BCAS3: variants seen among roughly 807,000 people sequenced by gnomAD.
BCAS3 encodes BCAS4/BCAS3 fusion.
In BCAS3, 53 loss-of-function variants were observed where a neutral mutation model predicts 116.1. The ratio of observed to expected loss-of-function variants is 0.46; its 90% CI spans 0.37 to 0.57. The LOEUF (loss-of-function observed/expected upper bound fraction) is 0.57, where lower values mean the gene tolerates loss of function less well. BCAS3 is among the 20% of genes least tolerant of loss of function. BCAS3 has a pLI of 0.00. For synonymous variants in BCAS3, 391 were observed against 408.2 expected (o/e 0.96, Z 0.51); for missense variants, 917 against 1,165.4 (o/e 0.79, Z 3.10).
At chr17:60,760,584 G>T (rs1302031394) in intron 6 of BCAS3, among the ~76,000 whole-genome samples, 1 of 151,512 alleles carries the variant, frequency 6.6e-6, no homozygotes, top group Non-Finnish European at 1.5e-5. Context: ...TCCGCTGTTG[G>T]CTTGATGGGA....
chr17:61,225,157 G>GC (rs1248940025), intron 22 of BCAS3, among the ~76,000 whole-genome samples: 6 of 48,734 alleles, frequency 1.2e-4, no homozygotes, highest in African/African-American at 3.8e-4. Flanking sequence ...GTATCGCTCT[G>GC]CCTTTTTTTT....
At chr17:61,221,811 G>GA (rs2144387242) in intron 22 of BCAS3, among the ~76,000 whole-genome samples, 1 of 152,296 alleles carries the variant, frequency 6.6e-6, no homozygotes, top group Admixed American at 6.5e-5. Flanking sequence ...AGTATGATGT[G>GA]AAAAGCATAA....
intron 7 of BCAS3, among the ~76,000 whole-genome samples, chr17:60,864,249 G>A (rs1255988148): frequency 6.6e-6 from 1 of 152,150 alleles, no homozygotes; most frequent in Non-Finnish European, 1.5e-5. Context: ...GGTGCTGATG[G>A]GAGTGTCACT....
chr17:60,725,992 T>C (rs1364176709), intron 5 of BCAS3, among the ~76,000 whole-genome samples: 1 of 151,934 alleles, frequency 6.6e-6, no homozygotes, highest in Admixed American at 6.6e-5. Flanking sequence ...ACCTCCTGAG[T>C]TCAAGCGATT....
At chr17:60,810,245 A>T (rs2048674888) in intron 7 of BCAS3, 2 of 436,052 alleles carry the variant, frequency 4.6e-6, no homozygotes, top group Admixed American at 5.5e-5. Flanking sequence ...TATGGCACCC[A>T]GCCAGTCAGC....
At chr17:61,320,787 T>A (rs1457309571) in intron 22 of BCAS3, among the ~76,000 whole-genome samples, 1 of 152,210 alleles carries the variant, frequency 6.6e-6, no homozygotes, top group East Asian at 1.9e-4. Context: ...TTAAACCTTT[T>A]CTAATACTTG....
intron 19 of BCAS3, among the ~76,000 whole-genome samples, chr17:61,044,264 G>A (rs1002824910): frequency 4.0e-5 from 6 of 151,418 alleles, no homozygotes; most frequent in East Asian, 1.9e-4. Flanking sequence ...TGGCTAACAC[G>A]GTGAAACACT....
rs2067100228 is a variant in BCAS3, at chr17:61,037,141, T to A, written c.1763-748T>A. 6.6e-6 allele frequency among the ~76,000 whole-genome samples: 1 copy of A among 152,142 alleles called. No homozygotes were observed. Among genetic ancestry groups the A allele is most frequent in the Non-Finnish European group, 1.5e-5 (1 of 68,028 alleles). On this transcript the variant is annotated intron_variant, in intron 17 of 23. Coordinates refer to ENST00000407086, the MANE Select transcript of BCAS3 (RefSeq NM_017679.5). The surrounding 1 kb of genome is among the most constrained non-coding windows in gnomAD (Gnocchi z 4.7). ...AATTTAAGTCTTCTGAGAAAAAAAA[T>A]AGATGAGACATTAGGCTGATTTAGG...
rs145449553 is a variant in BCAS3, at chr17:60,736,963, C to T, written c.322-10235C>T. 3.7e-3 allele frequency among the ~76,000 whole-genome samples: 529 copies of T among 141,144 alleles called. 5 individuals are homozygous for T. Among genetic ancestry groups the T allele is most frequent in the African/African-American group, 0.013 (511 of 37,964 alleles). The allele number at this position is 141,144 out of a possible 152,430, so 92.6% of individuals were successfully genotyped here. On this transcript the variant is annotated intron_variant, in intron 5 of 23. Transcript: ENST00000407086. Reference sequence around the variant, plus strand: ...CTTCCTTCCTTCCTATTTTTGAGACCGAGTCTTGCTCTTTTGCTGAGGCTG... The same window carrying T: ...CTTCCTTCCTTCCTATTTTTGAGACTGAGTCTTGCTCTTTTGCTGAGGCTG...
chr17:60,840,560 C>T (rs2051809993), intron 7 of BCAS3, among the ~76,000 whole-genome samples: 2 of 152,104 alleles, frequency 1.3e-5, no homozygotes, highest in African/African-American at 4.8e-5. Flanking sequence ...TATTTAATTC[C>T]TGTTTTTTGA....
At chr17:60,937,447 T>C (rs1455649338) in intron 13 of BCAS3, among the ~76,000 whole-genome samples, 1 of 152,218 alleles carries the variant, frequency 6.6e-6, no homozygotes, top group African/African-American at 2.4e-5. Flanking sequence ...TGTCTTCATT[T>C]TTATTGAATT....
At position 61,390,150 on chromosome 17, in the gene BCAS3, G is replaced by A. The variant is rs2060063293; in HGVS notation, c.2594-1827G>A. 6.6e-6 allele frequency: 1 copy of A among 152,278 alleles called. No individual in the cohort carries two copies. Among genetic ancestry groups the A allele is most frequent in the African/African-American group, 2.4e-5 (1 of 41,468 alleles). The allele number at this position is 152,278 out of a possible 1,614,324, so 9.4% of individuals were successfully genotyped here. A position where few individuals can be genotyped will look rare whatever the true frequency, so the allele number is the denominator to read the frequency against. ...TAGTGCCGGGCCGGCCGCGCATGAGGGCGGTGGGACAGATCGCCCACAACT... is the reference window on the plus strand; with the variant it reads ...TAGTGCCGGGCCGGCCGCGCATGAGAGCGGTGGGACAGATCGCCCACAACT... On this transcript the variant is annotated intron_variant, in intron 23 of 23. Transcript: ENST00000407086. The surrounding 1 kb of genome is among the most constrained non-coding windows in gnomAD (Gnocchi z 6.8).
At chr17:61,101,385 A>G (rs1358165127) in intron 22 of BCAS3, among the ~76,000 whole-genome samples, 2 of 152,188 alleles carry the variant, frequency 1.3e-5, no homozygotes, top group Non-Finnish European at 2.9e-5. Flanking sequence ...TACTTATGGG[A>G]AAATTCAAAC....
intron 6 of BCAS3, among the ~76,000 whole-genome samples, chr17:60,803,921 C>G (rs894741718): frequency 6.7e-6 from 1 of 149,960 alleles, no homozygotes; most frequent in African/African-American, 2.5e-5. Context: ...CCTGCCTCAG[C>G]CTCTTGAGTA....
chr17:61,289,209 G>A (rs181501005), intron 22 of BCAS3, among the ~76,000 whole-genome samples: 19 of 152,316 alleles, frequency 1.2e-4, no homozygotes, highest in African/African-American at 3.4e-4. Flanking sequence ...GTACCCCCGC[G>A]ACTCAGCTGG....
chr17:60,887,312 G>A lies in BCAS3; in HGVS notation c.662-2383G>A, dbSNP rs2056771450. On this transcript the variant is annotated intron_variant, in intron 9 of 23. Transcript: ENST00000407086. Reference sequence around the variant, plus strand: ...CTCGCCCTGCTTCGGCTCGCGCACGGTGCACGGTGCGTGCACCCACTGACC... The same window carrying A: ...CTCGCCCTGCTTCGGCTCGCGCACGATGCACGGTGCGTGCACCCACTGACC... 6 of 85,030 alleles carry A rather than the reference G, an allele frequency of 7.1e-5. No homozygotes were observed. In the South Asian group the frequency reaches 1.3e-3, roughly 19 times the overall value. The allele number at this position is 85,030 out of a possible 1,614,324, so 5.3% of individuals were successfully genotyped here. A position where few individuals can be genotyped will look rare whatever the true frequency, so the allele number is the denominator to read the frequency against.
intron 22 of BCAS3, among the ~76,000 whole-genome samples, chr17:61,317,133 T>C (rs1022639288): frequency 1.6e-4 from 25 of 152,152 alleles, no homozygotes; most frequent in African/African-American, 6.0e-4. Context: ...TACTTATATA[T>C]TATATCCATC....
chr17:60,867,257 C>T (rs1416318890), intron 7 of BCAS3, among the ~76,000 whole-genome samples: 1 of 151,950 alleles, frequency 6.6e-6, no homozygotes, highest in African/African-American at 2.4e-5. Flanking sequence ...AGGTGCTTGA[C>T]ACCATGCCCG....
rs2057565727 is a variant in BCAS3, at chr17:61,347,373, CA to C, written c.2426-20953del. On this transcript the variant is annotated intron_variant, in intron 22 of 23. Coordinates refer to ENST00000407086, the MANE Select transcript of BCAS3 (RefSeq NM_017679.5). This position sits in a 1 kb window ranked among gnomAD's most constrained non-coding sequence, Gnocchi z 4.3. ...CTGGGATTATAGGCATGAGCCACCG[CA>C]CCCGGCCAGAATCACTCTTCAGATA... Among the ~76,000 whole-genome samples the C allele has an allele frequency of 6.6e-6, 1 of 152,200 alleles. No homozygotes were observed. Among genetic ancestry groups the C allele is most frequent in the Non-Finnish European group, 1.5e-5 (1 of 68,032 alleles).
Sources: gnomAD v4.1 joint callset for allele counts (sites outside exome capture counted in the v4.1 genomes callset) on GRCh38, gnomAD v4.1.1 for gene constraint, Gnocchi (gnomAD v3.1) non-coding constraint, MANE v1.5 for transcripts, NCBI Gene and HGNC (gene_info 2026-07-23, HGNC 2026-07-21) for gene names.